Variants in BRINP3 observed in about 807,000 individuals in gnomAD.
BRINP3 encodes BMP/retinoic acid-inducible neural-specific protein 3.
In BRINP3, 19 loss-of-function variants were observed where a neutral mutation model predicts 71.0. The ratio of observed to expected loss-of-function variants is 0.27; its 90% CI spans 0.19 to 0.39. BRINP3 has a LOEUF of 0.39. Among genes scored for constraint, BRINP3 ranks in the 10% least tolerant of loss-of-function variants. The probability of loss-of-function intolerance (pLI) is 1.00; values close to 1 mark genes in which losing one functional copy is unlikely to be tolerated. For missense variants in BRINP3, 959 were observed against 940.8 expected, an observed-to-expected ratio of 1.02 and a Z score of -0.25; for synonymous variants, 380 against 337.7, an observed-to-expected ratio of 1.13 and a Z score of -1.37.
intron 2 of BRINP3, among the ~76,000 whole-genome samples, chr1:190,334,181 G>A (rs1413081406): frequency 1.3e-5 from 2 of 151,760 alleles, no homozygotes; most frequent in Non-Finnish European, 2.9e-5. Context: ...ATACAAATGG[G>A]TGGAGTGGCA....
At chr1:190,415,363 C>A (rs1200667030) in intron 2 of BRINP3, among the ~76,000 whole-genome samples, 1 of 152,062 alleles carries the variant, frequency 6.6e-6, no homozygotes, top group African/African-American at 2.4e-5. Context: ...TATTGTGTAA[C>A]TGAATTCCAC....
intron 2 of BRINP3, among the ~76,000 whole-genome samples, chr1:190,325,178 G>A (rs368588609): frequency 6.6e-6 from 1 of 151,980 alleles, no homozygotes; most frequent in South Asian, 2.1e-4. Context: ...AAAATAAATT[G>A]TGTATTTTCT....
At chr1:190,131,454 T>G (rs2102353113) in intron 7 of BRINP3, among the ~76,000 whole-genome samples, 1 of 152,116 alleles carries the variant, frequency 6.6e-6, no homozygotes, top group East Asian at 1.9e-4. Flanking sequence ...GATTCCAGGT[T>G]AGAAACTCAT....
At chr1:190,295,923 C>G (rs1664212673) in intron 2 of BRINP3, among the ~76,000 whole-genome samples, 1 of 151,994 alleles carries the variant, frequency 6.6e-6, no homozygotes, top group South Asian at 2.1e-4. Context: ...TAATTTTGTT[C>G]TTTTGAATGT....
Position 190,098,628 on chromosome 1 carries a change from G to T in BRINP3, c.1691C>A (p.Thr564Asn). 6.2e-7 allele frequency: 1 copy of T among 1,614,082 alleles called. No homozygotes were observed. The highest frequency in any genetic ancestry group is 8.5e-7 in the Non-Finnish European group (1 of 1,180,018). Residue 564 changes from threonine (T) to asparagine (N), a missense_variant, in exon 8 of 8, where the codon ACC becomes AAC. Thr to Asn is a moderately conservative substitution (Grantham distance 65). Coordinates refer to ENST00000367462, the MANE Select transcript of BRINP3 (RefSeq NM_199051.3). ...ATAAACAGCCAACACTGGCTCCAAG[G>T]TGCTGTTTTTAGTTAAGCAAATCTG... ...SLQICLTKNSTLEPVLAVYVN... is the reference protein window; with the variant it reads ...SLQICLTKNSNLEPVLAVYVN...
At chr1:190,104,402 T>C (rs1398252250) in intron 7 of BRINP3, among the ~76,000 whole-genome samples, 1 of 152,110 alleles carries the variant, frequency 6.6e-6, no homozygotes, top group East Asian at 1.9e-4. Context: ...GTGCACAGAA[T>C]AAACAGGAAA....
rs1381969425 is a variant in BRINP3, at chr1:190,281,587, G to C, written c.400C>G (p.His134Asp). The C allele has an allele frequency of 6.2e-7, 1 of 1,612,656 alleles. No individual in the cohort carries two copies. The highest frequency in any genetic ancestry group is 1.7e-5 in the Admixed American group (1 of 59,844). Reference sequence around the variant, plus strand: ...CCCAGAGTAGCAGATAGCAAGAAATGTGTCCCATATTTCTTGATAAGGTTT... The same window carrying C: ...CCCAGAGTAGCAGATAGCAAGAAATCTGTCCCATATTTCTTGATAAGGTTT... Reference protein sequence around the residue: ...TENLIKKYGTHFLLSATLGGE... With the variant: ...TENLIKKYGTDFLLSATLGGE... The change falls in exon 3 of 8, where the codon CAT (histidine) becomes GAT (aspartate). Residue 134 changes from histidine (H) to aspartate (D), a missense_variant. Coordinates refer to ENST00000367462, the MANE Select transcript of BRINP3 (RefSeq NM_199051.3).
intron 6 of BRINP3, among the ~76,000 whole-genome samples, chr1:190,214,850 G>C (rs1046268158): frequency 6.6e-6 from 1 of 151,898 alleles, no homozygotes; most frequent in Non-Finnish European, 1.5e-5. Context: ...CTTAATGACA[G>C]ACCATCTCAG....
chr1:190,411,700 A>C (rs1182621687), intron 2 of BRINP3, among the ~76,000 whole-genome samples: 2 of 152,210 alleles, frequency 1.3e-5, no homozygotes, highest in African/African-American at 2.4e-5. Flanking sequence ...AAATGACTGT[A>C]AGAATTTTAA....
chr1:190,133,027 T>C (rs1654669684), intron 7 of BRINP3, among the ~76,000 whole-genome samples: 1 of 152,050 alleles, frequency 6.6e-6, no homozygotes, highest in African/African-American at 2.4e-5. Context: ...GAGGCCTACA[T>C]ATGACTGCAG....
chr1:190,319,982 GT>G (rs931239172), intron 2 of BRINP3, among the ~76,000 whole-genome samples: 6 of 151,940 alleles, frequency 3.9e-5, no homozygotes, highest in African/African-American at 9.7e-5. Flanking sequence ...TATTCTATAA[GT>G]TTTTTGTTTA....
chr1:190,400,007 A>C lies in BRINP3; in HGVS notation c.236+54648T>G, dbSNP rs190182882. ...TATTTTCATACTTTTTCAAAAAGTC[A>C]TTATTTAAGTCAATTAGCATTTGTT... On this transcript the variant is annotated intron_variant, in intron 2 of 7. Transcript: ENST00000367462. Among the ~76,000 whole-genome samples, 38 of 152,208 alleles carry C rather than the reference A, an allele frequency of 2.5e-4. 4 individuals carry two copies. The highest frequency in any genetic ancestry group is 1.8e-3 in the Admixed American group (28 of 15,282).
At chr1:190,274,415 T>C (rs2102909295) in intron 3 of BRINP3, among the ~76,000 whole-genome samples, 1 of 151,710 alleles carries the variant, frequency 6.6e-6, no homozygotes, top group South Asian at 2.1e-4. Flanking sequence ...GTCATTCAAC[T>C]TCCTTACATT....
intron 1 of BRINP3, among the ~76,000 whole-genome samples, chr1:190,467,364 TA>T (rs1420105219): frequency 6.6e-6 from 1 of 151,408 alleles, no homozygotes; most frequent in South Asian, 2.1e-4. Flanking sequence ...GTACATTTTT[TA>T]AAAAAAGGGT....
At chr1:190,406,404 TTTCTA>T (rs1366153643) in intron 2 of BRINP3, among the ~76,000 whole-genome samples, 1 of 152,206 alleles carries the variant, frequency 6.6e-6, no homozygotes, top group Non-Finnish European at 1.5e-5. Flanking sequence ...TATACTACTA[TTTCTA>T]GAGCCTATAT....
chr1:190,387,993 ATTC>A (rs1671021630), intron 2 of BRINP3, among the ~76,000 whole-genome samples: 1 of 151,956 alleles, frequency 6.6e-6, no homozygotes, highest in Non-Finnish European at 1.5e-5. Context: ...ACATTTATGT[ATTC>A]TTCTTCTACA....
At chr1:190,439,415 G>A (rs930949104) in intron 2 of BRINP3, among the ~76,000 whole-genome samples, 3 of 151,768 alleles carry the variant, frequency 2.0e-5, no homozygotes, top group Non-Finnish European at 4.4e-5. Context: ...CGTGGCATAA[G>A]ACTATTTTAT....
intron 6 of BRINP3, among the ~76,000 whole-genome samples, chr1:190,225,026 G>T (rs1299458576): frequency 1.3e-5 from 2 of 151,900 alleles, no homozygotes; most frequent in Non-Finnish European, 2.9e-5. Flanking sequence ...CTACACTGTT[G>T]GTGGAAATAT....
At chr1:190,194,323 A>G (rs1237588477) in intron 6 of BRINP3, among the ~76,000 whole-genome samples, 1 of 152,066 alleles carries the variant, frequency 6.6e-6, no homozygotes, top group African/African-American at 2.4e-5. Context: ...TTGATTTTGG[A>G]CCTCTGGCCC....
Sources: gnomAD v4.1 joint callset for allele counts (sites outside exome capture counted in the v4.1 genomes callset) on GRCh38, gnomAD v4.1.1 for gene constraint, MANE v1.5 for transcripts, NCBI Gene and HGNC (gene_info 2026-07-23, HGNC 2026-07-21) for gene names.